AUTS2: variants seen among roughly 807,000 people sequenced by gnomAD.
The protein encoded by AUTS2 is autism susceptibility gene 2 protein.
A neutral mutation model predicts 112.4 loss-of-function variants in AUTS2; 17 were observed. That is an observed-to-expected ratio of 0.15 (90% CI 0.10 to 0.23). The LOEUF is 0.23. Among genes scored for constraint, AUTS2 ranks in the 10% least tolerant of loss-of-function variants. The pLI is 1.00. For missense variants in AUTS2, 1,510 were observed against 1,701.6 expected (o/e 0.89, Z 1.98); for synonymous variants, 751 against 702.7 (o/e 1.07, Z -1.09).
intron 4 of AUTS2, among the ~76,000 whole-genome samples, chr7:70,343,783 A>G (rs145663345): frequency 1.2e-3 from 176 of 152,200 alleles, no homozygotes; most frequent in African/African-American, 4.0e-3. Flanking sequence ...AATGTCTTTG[A>G]AGAAAGGAGT....
chr7:70,455,012 A>T (rs1019757271), intron 5 of AUTS2, among the ~76,000 whole-genome samples: 10 of 152,034 alleles, frequency 6.6e-5, no homozygotes, highest in Non-Finnish European at 2.9e-5. Flanking sequence ...ACCCTTGTTG[A>T]TTCTTTGCTT....
intron 4 of AUTS2, among the ~76,000 whole-genome samples, chr7:70,137,531 G>A (rs1193328128): frequency 6.7e-6 from 1 of 150,214 alleles, no homozygotes; most frequent in Non-Finnish European, 1.5e-5. Context: ...GTTTTAGGCT[G>A]TATTTTCTCC....
chr7:69,668,584 A>G (rs1284090209), intron 1 of AUTS2, among the ~76,000 whole-genome samples: 1 of 152,218 alleles, frequency 6.6e-6, no homozygotes, highest in African/African-American at 2.4e-5. Context: ...TCTCTTTCCC[A>G]TGAACCTAGC....
At chr7:69,861,653 C>T (rs1465008522) in intron 1 of AUTS2, among the ~76,000 whole-genome samples, 1 of 152,154 alleles carries the variant, frequency 6.6e-6, no homozygotes, top group African/African-American at 2.4e-5. Flanking sequence ...GAGCAAAGTA[C>T]TAAGGATTGT....
At chr7:70,162,741 C>T (rs1013411137) in intron 4 of AUTS2, among the ~76,000 whole-genome samples, 2 of 152,014 alleles carry the variant, frequency 1.3e-5, no homozygotes, top group Non-Finnish European at 2.9e-5. Context: ...AAAATATTTA[C>T]GTGGTAGAAA....
intron 5 of AUTS2, among the ~76,000 whole-genome samples, chr7:70,659,839 G>A (rs578031154): frequency 6.6e-5 from 10 of 152,270 alleles, no homozygotes; most frequent in African/African-American, 1.7e-4. Flanking sequence ...GCAGGAGAGA[G>A]TGCATGCACA....
At chr7:70,495,235 T>TAAAA (rs34861688) in intron 5 of AUTS2, among the ~76,000 whole-genome samples, 1 of 102,738 alleles carries the variant, frequency 9.7e-6, no homozygotes, top group African/African-American at 3.7e-5. Flanking sequence ...ACCTTTTCTT[T>TAAAA]AAAAAAAAAA....
chr7:69,616,167 C>G (rs902184696), intron 1 of AUTS2, among the ~76,000 whole-genome samples: 1 of 152,136 alleles, frequency 6.6e-6, no homozygotes, highest in Non-Finnish European at 1.5e-5. Flanking sequence ...GTGCAGAATT[C>G]TTTTCTAGGA....
At chr7:70,507,802 A>C (rs549765810) in intron 5 of AUTS2, among the ~76,000 whole-genome samples, 32 of 152,318 alleles carry the variant, frequency 2.1e-4, no homozygotes, top group Non-Finnish European at 4.1e-4. Flanking sequence ...GTCTCAAAAA[A>C]ATAAAAATAA....
chr7:70,525,403 A>G (rs1799800484), intron 5 of AUTS2, among the ~76,000 whole-genome samples: 2 of 142,600 alleles, frequency 1.4e-5, no homozygotes, highest in Admixed American at 1.4e-4. Context: ...GACTCAATGT[A>G]TATTTGTTGA....
At chr7:69,848,624 A>T (rs556000902) in intron 1 of AUTS2, among the ~76,000 whole-genome samples, 1 of 152,244 alleles carries the variant, frequency 6.6e-6, no homozygotes, top group African/African-American at 2.4e-5. Context: ...AAACCCTGTC[A>T]TTATTGGTCT....
chr7:70,531,365 G>A (rs912411697), intron 5 of AUTS2, among the ~76,000 whole-genome samples: 11 of 152,148 alleles, frequency 7.2e-5, no homozygotes, highest in African/African-American at 2.7e-4. Context: ...CTGTGCGTGA[G>A]GGTTGTCTTA....
chr7:70,614,969 A>G (rs1423675714), intron 5 of AUTS2, among the ~76,000 whole-genome samples: 1 of 152,192 alleles, frequency 6.6e-6, no homozygotes, highest in Non-Finnish European at 1.5e-5. Context: ...CAGACTGGAC[A>G]CTGGCTGAAC....
At chr7:70,600,386 T>C (rs1803416365) in intron 5 of AUTS2, among the ~76,000 whole-genome samples, 2 of 152,140 alleles carry the variant, frequency 1.3e-5, no homozygotes, top group Non-Finnish European at 1.5e-5. Flanking sequence ...AGGGATTCTC[T>C]CGCCTCAGCC....
chr7:69,780,553 A>G (rs1333203007), intron 1 of AUTS2, among the ~76,000 whole-genome samples: 2 of 152,214 alleles, frequency 1.3e-5, no homozygotes, highest in African/African-American at 2.4e-5. Flanking sequence ...GGGCGGGTAA[A>G]GAAACCTGAT....
In AUTS2 at chr7:70,762,720, G is replaced by A. The variant is rs115235906; in HGVS notation, c.743-150G>A. 1,889 of 688,286 alleles carry A rather than the reference G, an allele frequency of 2.7e-3. 15 individuals carry two copies. The African/African-American group carries it at 0.028, about 10-fold the overall frequency. 42.6% of individuals were successfully genotyped at this position (688,286 alleles called of 1,614,324 possible). ...CCATTTGCTGTGGGCGCATACCCCC[G>A]CAGGTGGTGGAGACAAGGACCCAAG... On this transcript the variant is annotated intron_variant, in intron 6 of 18. Coordinates refer to ENST00000342771, the MANE Select transcript of AUTS2 (RefSeq NM_015570.4).
In AUTS2 at chr7:70,775,108, C is replaced by G; in HGVS notation, c.1903-249C>G. ...GAGCAAATCATGTTGCCAGAGGGCA[C>G]ATTGCTATTGATTAAACTTGTACAG... On this transcript the variant is annotated intron_variant, in intron 12 of 18. Coordinates refer to ENST00000342771, the MANE Select transcript of AUTS2 (RefSeq NM_015570.4). 3 of 523,338 alleles carry G rather than the reference C, an allele frequency of 5.7e-6. No homozygotes were observed. In the South Asian group the frequency reaches 8.0e-5, roughly 14 times the overall value. The allele number at this position is 523,338 out of a possible 1,614,324, so 32.4% of individuals were successfully genotyped here. A position where few individuals can be genotyped will look rare whatever the true frequency, so the allele number is the denominator to read the frequency against.
intron 4 of AUTS2, among the ~76,000 whole-genome samples, chr7:70,243,728 G>A (rs1426977855): frequency 1.3e-5 from 2 of 152,086 alleles, no homozygotes; most frequent in South Asian, 2.1e-4. Flanking sequence ...TAGACACATT[G>A]CTTCCCTTTG....
intron 4 of AUTS2, among the ~76,000 whole-genome samples, chr7:70,433,376 C>T (rs1157703918): frequency 2.0e-5 from 3 of 152,192 alleles, no homozygotes; most frequent in African/African-American, 7.2e-5. Flanking sequence ...GCCTGCCTGG[C>T]AAAATAGTCT....
Sources: gnomAD v4.1 joint callset for allele counts (sites outside exome capture counted in the v4.1 genomes callset) on GRCh38, gnomAD v4.1.1 for gene constraint, MANE v1.5 for transcripts, NCBI Gene and HGNC (gene_info 2026-07-23, HGNC 2026-07-21) for gene names.